LDAH: variants seen among roughly 807,000 people sequenced by gnomAD.
LDAH encodes the protein lipid droplet associated hydrolase, also known as lipid droplet-associated hydrolase.
Under a neutral mutation model 29.6 loss-of-function variants are expected in LDAH, and 26 were observed. The observed-to-expected ratio is 0.88, with a 90% CI of 0.64 to 1.22. The LOEUF (loss-of-function observed/expected upper bound fraction) is 1.22. LDAH is among the 50% of genes most tolerant of loss of function. The pLI is 0.00. For synonymous variants in LDAH, 117 were observed against 133.0 expected (o/e 0.88, Z 0.83); for missense variants, 344 against 387.3 (o/e 0.89, Z 0.94).
chr2:20,802,079 T>A (rs1367378623), intron 1 of LDAH, among the ~76,000 whole-genome samples: 2 of 151,754 alleles, frequency 1.3e-5, no homozygotes, highest in African/African-American at 4.8e-5. Flanking sequence ...TACATGTATA[T>A]ATATATACAT....
intron 1 of LDAH, among the ~76,000 whole-genome samples, chr2:20,811,270 G>C (rs2125141660): frequency 6.6e-6 from 1 of 151,940 alleles, no homozygotes; most frequent in Middle Eastern, 3.4e-3. Context: ...CGCCCATCTC[G>C]GCCTCCCAAA....
chr2:20,810,864 G>C (rs1672431618), intron 1 of LDAH, among the ~76,000 whole-genome samples: 1 of 152,104 alleles, frequency 6.6e-6, no homozygotes, highest in African/African-American at 2.4e-5. Context: ...TGCATGCGAA[G>C]GATCTAGGTT....
At chr2:20,696,755 G>A (rs1663518463) in intron 6 of LDAH, among the ~76,000 whole-genome samples, 1 of 152,174 alleles carries the variant, frequency 6.6e-6, no homozygotes, top group African/African-American at 2.4e-5. Flanking sequence ...TGACACACCA[G>A]GTGCCTCATG....
chr2:20,819,579 T>C (rs1024258975), intron 1 of LDAH, among the ~76,000 whole-genome samples: 1 of 152,216 alleles, frequency 6.6e-6, no homozygotes, highest in Non-Finnish European at 1.5e-5. Context: ...CTCTTCATGC[T>C]AAAAACTCTC....
chr2:20,779,649 C>G (rs1670051557), intron 3 of LDAH, among the ~76,000 whole-genome samples: 1 of 151,542 alleles, frequency 6.6e-6, no homozygotes, highest in South Asian at 2.1e-4. Flanking sequence ...AAAAACAAAC[C>G]TTTTTCTGTA....
intron 4 of LDAH, among the ~76,000 whole-genome samples, chr2:20,747,959 A>G (rs1299354476): frequency 2.0e-5 from 3 of 152,178 alleles, no homozygotes; most frequent in Admixed American, 6.5e-5. Context: ...TATATATACT[A>G]TATATTTACG....
intron 6 of LDAH, among the ~76,000 whole-genome samples, chr2:20,697,695 C>A (rs1320046968): frequency 6.6e-6 from 1 of 152,184 alleles, no homozygotes; most frequent in Non-Finnish European, 1.5e-5. Flanking sequence ...GCTACCTAAC[C>A]TTTTCTAGTT....
At chr2:20,690,630 A>G (rs1320946358) in intron 6 of LDAH, among the ~76,000 whole-genome samples, 1 of 152,114 alleles carries the variant, frequency 6.6e-6, no homozygotes, top group African/African-American at 2.4e-5. Flanking sequence ...CTGACCGGAG[A>G]ACTCCGCACC....
chr2:20,801,950 GTGTGTGTA>G (rs1268128245), intron 1 of LDAH, among the ~76,000 whole-genome samples: 1 of 148,318 alleles, frequency 6.7e-6, no homozygotes, highest in African/African-American at 2.6e-5. Flanking sequence ...GTGTGTGTGT[GTGTGTGTA>G]TGTGTGTGTG....
intron 4 of LDAH, 54 bp from the exon 5 acceptor site, chr2:20,740,259 T>C: frequency 8.5e-7 from 1 of 1,182,114 alleles, no homozygotes; most frequent in Non-Finnish European, 1.3e-6. Context: ...ATAGGTCCAT[T>C]ACTTATTGTC....
At chr2:20,772,406 T>C (rs1382637965) in intron 4 of LDAH, among the ~76,000 whole-genome samples, 2 of 152,242 alleles carry the variant, frequency 1.3e-5, no homozygotes, top group Admixed American at 1.3e-4. Flanking sequence ...TACATTTTAT[T>C]TGACAGGTCC....
Position 20,696,076 on chromosome 2 carries a change from A to G in LDAH, c.786+5494T>C, listed in dbSNP as rs185915509. On this transcript the variant is annotated intron_variant, in intron 6 of 6. Coordinates refer to ENST00000237822, the MANE Select transcript of LDAH (RefSeq NM_021925.4). ...AAAAACAAACCTATCTATTTTCAGG[A>G]TGATTATGACATTCTGGACAGGCTT... Among the ~76,000 whole-genome samples, 68 of 152,328 alleles carry G rather than the reference A, an allele frequency of 4.5e-4. No individual in the cohort carries two copies. In the East Asian group the frequency reaches 0.011, roughly 24 times the overall value.
Position 20,686,911 on chromosome 2 carries a change from T to C in LDAH, c.970A>G (p.Lys324Glu), listed in dbSNP as rs1284661837. 5 of 1,612,900 alleles carry C rather than the reference T, an allele frequency of 3.1e-6. No homozygotes were observed. The African/African-American group carries it at 6.7e-5, about 22-fold the overall frequency. Residue 324 changes from lysine to glutamate, a missense_variant, in exon 7 of 7, where the codon AAA becomes GAA. Physicochemically the swap from Lys to Glu is moderately conservative, Grantham distance 56. Transcript: ENST00000237822. ...IADSLKDDLS[K>E]M ...TTGTTCCTCAGGCCAATTTACATTT[T>C]GGACAAGTCATCCTTTAGGGAGTCA...
intron 1 of LDAH, among the ~76,000 whole-genome samples, chr2:20,803,893 C>T (rs541690682): frequency 1.3e-5 from 2 of 152,186 alleles, no homozygotes; most frequent in African/African-American, 2.4e-5. Context: ...ATTTTAGTTA[C>T]TATGTGGCTT....
intron 1 of LDAH, among the ~76,000 whole-genome samples, chr2:20,817,825 TAAAG>T (rs1672956088): frequency 6.6e-6 from 1 of 152,176 alleles, no homozygotes; most frequent in Admixed American, 6.5e-5. Context: ...CAGCAATAAA[TAAAG>T]AAATGCATGA....
intron 4 of LDAH, among the ~76,000 whole-genome samples, chr2:20,741,234 T>C (rs1667152064): frequency 6.6e-6 from 1 of 152,212 alleles, no homozygotes; most frequent in Admixed American, 6.5e-5. Flanking sequence ...TTTTATTCTC[T>C]TGACCCTGCT....
At chr2:20,710,733 T>C (rs1215660487) in intron 5 of LDAH, among the ~76,000 whole-genome samples, 3 of 147,994 alleles carry the variant, frequency 2.0e-5, no homozygotes, top group Non-Finnish European at 4.5e-5. Context: ...TATATACATA[T>C]ATATTATACA....
At chr2:20,733,397 ATT>A (rs34191708) in intron 5 of LDAH, among the ~76,000 whole-genome samples, 11 of 111,902 alleles carry the variant, frequency 9.8e-5, no homozygotes, top group African/African-American at 1.7e-4. Context: ...ATGCCTGGCT[ATT>A]TTTTTTTTTT....
intron 3 of LDAH, chr2:20,789,176 C>A (rs752097816): frequency 1.7e-5 from 27 of 1,550,388 alleles, no homozygotes; most frequent in Admixed American, 2.0e-5. Flanking sequence ...GCTTATATGG[C>A]CCCCAAATCC....
Sources: allele counts gnomAD v4.1 joint callset (sites outside exome capture counted in the v4.1 genomes callset), GRCh38; gene constraint gnomAD v4.1.1; transcripts MANE v1.5; gene names NCBI Gene and HGNC (gene_info 2026-07-23, HGNC 2026-07-21).